HOMER2: variants seen among roughly 807,000 people sequenced by gnomAD.
The protein encoded by HOMER2 is homer protein homolog 2.
HOMER2 carries 27 observed loss-of-function variants against 47.0 expected under a neutral mutation model. The ratio of observed to expected loss-of-function variants is 0.57; its 90% CI spans 0.42 to 0.79. The LOEUF (loss-of-function observed/expected upper bound fraction) is 0.79. HOMER2 is among the 30% of genes least tolerant of loss of function. The probability of loss-of-function intolerance (pLI) is 0.00; values close to 1 mark genes in which losing one functional copy is unlikely to be tolerated. For synonymous variants in HOMER2, 161 were observed against 163.8 expected, an observed-to-expected ratio of 0.98 and a Z score of 0.13; for missense variants, 443 against 435.0, an observed-to-expected ratio of 1.02 and a Z score of -0.16.
intron 1 of HOMER2, among the ~76,000 whole-genome samples, chr15:82,929,975 C>T (rs1394553203): frequency 1.3e-5 from 2 of 151,958 alleles, no homozygotes; most frequent in East Asian, 1.9e-4. Flanking sequence ...GTGATCCGTC[C>T]GCCTCGGCCT....
intron 2 of HOMER2, among the ~76,000 whole-genome samples, chr15:82,877,954 T>C (rs1237000720): frequency 6.6e-6 from 1 of 152,084 alleles, no homozygotes; most frequent in Non-Finnish European, 1.5e-5. Flanking sequence ...AGGGTGGATA[T>C]GGTGGAACCA....
intron 1 of HOMER2, among the ~76,000 whole-genome samples, chr15:82,912,895 G>A (rs748597920): frequency 9.9e-5 from 15 of 152,228 alleles, no homozygotes; most frequent in Non-Finnish European, 1.9e-4. Context: ...GTGTGTGACT[G>A]TTCTGGGCCC....
In HOMER2 at chr15:82,864,274, T is replaced by G; in HGVS notation, c.295-15A>C. 1 of 1,587,280 alleles carries G rather than the reference T, an allele frequency of 6.3e-7. No individual in the cohort carries two copies. The highest frequency in any genetic ancestry group is 8.6e-7 in the Non-Finnish European group (1 of 1,158,204). ...TTCTCTGCAAACTGAACATGAAGAA[T>G]AGTTATTAAGGCTTTTATTAACCTC... On this transcript the variant is annotated splice_polypyrimidine_tract_variant and intron_variant, in intron 3 of 8. Coordinates refer to ENST00000450735, the MANE Select transcript of HOMER2 (RefSeq NM_004839.4).
chr15:82,861,265 T>A (rs1227021228), intron 4 of HOMER2, among the ~76,000 whole-genome samples: 1 of 152,182 alleles, frequency 6.6e-6, no homozygotes, highest in Non-Finnish European at 1.5e-5. Context: ...TGCAAGAACA[T>A]TCATCACAGT....
intron 1 of HOMER2, among the ~76,000 whole-genome samples, chr15:82,933,398 A>G (rs1003110446): frequency 2.6e-5 from 4 of 152,070 alleles, no homozygotes; most frequent in Non-Finnish European, 5.9e-5. Flanking sequence ...AGCTAATAAA[A>G]AAAGAAACAA....
At chr15:82,860,291 A>T (rs2051733657) in intron 4 of HOMER2, among the ~76,000 whole-genome samples, 1 of 152,134 alleles carries the variant, frequency 6.6e-6, no homozygotes, top group African/African-American at 2.4e-5. Context: ...ACAAGCTCTT[A>T]GAGTCCTCAT....
chr15:82,908,995 G>A (rs2053373694), intron 1 of HOMER2, among the ~76,000 whole-genome samples: 1 of 152,106 alleles, frequency 6.6e-6, no homozygotes, highest in Admixed American at 6.5e-5. Context: ...ACCACTCAGG[G>A]AGGGTCTGCA....
At chr15:82,954,924 G>A (rs546484157), upstream of HOMER2, among the ~76,000 whole-genome samples, 7 of 151,770 alleles carry the variant, frequency 4.6e-5, no homozygotes, top group Admixed American at 6.6e-5. Context: ...GACTACAGGC[G>A]CGCACCACCA....
intron 1 of HOMER2, among the ~76,000 whole-genome samples, chr15:82,961,110 C>G (rs1020125049): frequency 6.6e-6 from 1 of 152,234 alleles, no homozygotes. Flanking sequence ...CAACTGCTTG[C>G]CCCGCAGGGT....
intron 2 of HOMER2, among the ~76,000 whole-genome samples, chr15:82,875,652 C>T (rs41310982): frequency 1.2e-3 from 177 of 152,320 alleles, no homozygotes; most frequent in Non-Finnish European, 1.8e-3. Flanking sequence ...AGATCCTACA[C>T]GTTATCCGTG....
At chr15:82,858,818 T>TC (rs1370799858) in intron 5 of HOMER2, among the ~76,000 whole-genome samples, 2 of 151,962 alleles carry the variant, frequency 1.3e-5, no homozygotes, top group African/African-American at 4.8e-5. Context: ...ACTCTCTATT[T>TC]CCCACACACA....
At chr15:82,933,369 G>A (rs1244654655) in intron 1 of HOMER2, among the ~76,000 whole-genome samples, 2 of 152,068 alleles carry the variant, frequency 1.3e-5, no homozygotes, top group East Asian at 3.9e-4. Context: ...TGGGACTACA[G>A]GTGCATGCCA....
intron 1 of HOMER2, among the ~76,000 whole-genome samples, chr15:82,914,132 C>A (rs1252163717): frequency 6.8e-6 from 1 of 146,656 alleles, no homozygotes; most frequent in African/African-American, 2.5e-5. Flanking sequence ...GTCAGGAGAT[C>A]GAGACCATCC....
chr15:82,896,022 A>C (rs2052901556), intron 1 of HOMER2, among the ~76,000 whole-genome samples: 1 of 152,156 alleles, frequency 6.6e-6, no homozygotes, highest in South Asian at 2.1e-4. Context: ...CTCCAGAACA[A>C]CACTGGTGAC....
chr15:82,970,163 G>T (rs1043963586), intron 1 of HOMER2, among the ~76,000 whole-genome samples: 2 of 152,230 alleles, frequency 1.3e-5, no homozygotes, highest in African/African-American at 4.8e-5. Flanking sequence ...AGAATGAGAA[G>T]AATTTTGAGC....
chr15:82,841,608 CCAGT>C (rs543265383), exon 2 of HOMER2: 58 of 152,044 alleles, frequency 3.8e-4, no homozygotes, highest in African/African-American at 1.1e-3. Context: ...TCTAAAAGTA[CCAGT>C]CAATGTGATG....
chr15:82,889,061 C>G (rs2052629862), intron 2 of HOMER2, among the ~76,000 whole-genome samples: 1 of 152,300 alleles, frequency 6.6e-6, no homozygotes, highest in Admixed American at 6.5e-5. Flanking sequence ...AAGTAATATA[C>G]TTGATGTGGC....
chr15:82,889,208 G>A (rs983241525), intron 2 of HOMER2, among the ~76,000 whole-genome samples: 3 of 152,196 alleles, frequency 2.0e-5, no homozygotes, highest in Non-Finnish European at 4.4e-5. Context: ...CAACATTTGG[G>A]ATCAAAGGCC....
intron 1 of HOMER2, among the ~76,000 whole-genome samples, chr15:82,979,306 G>A (rs1255938326): frequency 6.6e-6 from 1 of 152,194 alleles, no homozygotes; most frequent in Non-Finnish European, 1.5e-5. Flanking sequence ...ATCTCGATCA[G>A]CTGCACATTC....
Sources: allele counts gnomAD v4.1 joint callset (sites outside exome capture counted in the v4.1 genomes callset), GRCh38; gene constraint gnomAD v4.1.1; transcripts MANE v1.5; gene names NCBI Gene and HGNC (gene_info 2026-07-23, HGNC 2026-07-21).